The following OSBPL1A variants were observed in gnomAD, a reference collection of about 807,000 sequenced individuals.
OSBPL1A encodes oxysterol-binding protein-related protein 1.
Under a neutral mutation model 137.1 loss-of-function variants are expected in OSBPL1A, and 80 were observed. The ratio of observed to expected loss-of-function variants is 0.58; its 90% CI spans 0.49 to 0.70. The LOEUF (loss-of-function observed/expected upper bound fraction) is 0.70, where lower values mean the gene tolerates loss of function less well. Among genes scored for constraint, OSBPL1A ranks in the 30% least tolerant of loss-of-function variants. The pLI, the probability that OSBPL1A is intolerant of heterozygous loss-of-function variation, is 0.00. For synonymous variants in OSBPL1A, 365 were observed against 389.7 expected, an observed-to-expected ratio of 0.94 and a Z score of 0.75; for missense variants, 970 against 1,129.4, an observed-to-expected ratio of 0.86 and a Z score of 2.02.
intron 18 of OSBPL1A, among the ~76,000 whole-genome samples, chr18:24,194,474 C>T (rs959426803): frequency 1.3e-5 from 2 of 152,022 alleles, no homozygotes; most frequent in African/African-American, 2.4e-5. Flanking sequence ...TTGAAAAATA[C>T]TGACTCTGCA....
chr18:24,376,812 C>T (rs570877553), intron 2 of OSBPL1A, among the ~76,000 whole-genome samples: 59 of 152,352 alleles, frequency 3.9e-4, no homozygotes, highest in South Asian at 2.7e-3. Context: ...CCTCCGCAGC[C>T]GCTGGCCCGG....
At chr18:24,281,927 T>G (rs951168828) in intron 14 of OSBPL1A, among the ~76,000 whole-genome samples, 29 of 152,012 alleles carry the variant, frequency 1.9e-4, no homozygotes, top group Non-Finnish European at 5.9e-5. Context: ...TTGTGTCAGA[T>G]CAGTGGCAGC....
At chr18:24,301,574 G>T (rs1263260526) in intron 14 of OSBPL1A, among the ~76,000 whole-genome samples, 5 of 152,202 alleles carry the variant, frequency 3.3e-5, no homozygotes, top group Non-Finnish European at 7.3e-5. Flanking sequence ...GCATAACTCT[G>T]TGAATAGAGT....
chr18:24,231,817 T>A (rs1289289282), intron 16 of OSBPL1A, among the ~76,000 whole-genome samples: 3 of 152,210 alleles, frequency 2.0e-5, no homozygotes, highest in African/African-American at 7.2e-5. Context: ...TTCCTACTAT[T>A]AAAAGGCTGA....
intron 7 of OSBPL1A, among the ~76,000 whole-genome samples, chr18:24,327,150 C>T (rs1412534964): frequency 6.6e-6 from 1 of 150,672 alleles, no homozygotes; most frequent in Non-Finnish European, 1.5e-5. Context: ...CTCTGTCACC[C>T]ATGCTGTAGT....
chr18:24,219,419 C>T (rs2087815367), intron 17 of OSBPL1A, among the ~76,000 whole-genome samples: 1 of 152,154 alleles, frequency 6.6e-6, no homozygotes, highest in African/African-American at 2.4e-5. Context: ...TACTTGTAGG[C>T]ATGCTTGAAA....
At chr18:24,270,931 C>A (rs1286934175) in intron 15 of OSBPL1A, among the ~76,000 whole-genome samples, 1 of 152,166 alleles carries the variant, frequency 6.6e-6, no homozygotes, top group Non-Finnish European at 1.5e-5. Flanking sequence ...ATCTTCCTCT[C>A]CTTACCACCC....
In OSBPL1A at chr18:24,271,410, C is replaced by T; in HGVS notation, c.1281+9432G>A. The T allele has an allele frequency of 3.3e-6, 1 of 303,446 alleles. No individual in the cohort carries two copies. The highest frequency in any genetic ancestry group is 4.8e-6 in the Non-Finnish European group (1 of 206,278). The allele number at this position is 303,446 out of a possible 1,614,324, so 18.8% of individuals were successfully genotyped here. On this transcript the variant is annotated intron_variant, in intron 15 of 27. Transcript: ENST00000319481. The surrounding 1 kb of genome is among the most constrained non-coding windows in gnomAD (Gnocchi z 4.0). Reference sequence around the variant, plus strand: ...GCAGGAACCCCACGGCAGGGAGACCCGCACTGGGAAGAGAGCAGGGTCTCC... The same window carrying T: ...GCAGGAACCCCACGGCAGGGAGACCTGCACTGGGAAGAGAGCAGGGTCTCC...
Position 24,179,844 on chromosome 18 carries a change from C to G in OSBPL1A, c.1813-9G>C. 6.2e-7 allele frequency: 1 copy of G among 1,612,234 alleles called. No individual in the cohort carries two copies. Among genetic ancestry groups the G allele is most frequent in the South Asian group, 1.1e-5 (1 of 91,028 alleles). On this transcript the variant is annotated splice_polypyrimidine_tract_variant and intron_variant, in intron 19 of 27. Transcript: ENST00000319481. ...GCAAACGCAGCTACACACTGTGGGA[C>G]AGAGCATGAGAACAAGTCAAAAATA...
intron 17 of OSBPL1A, among the ~76,000 whole-genome samples, chr18:24,220,828 T>A (rs1424256795): frequency 6.6e-6 from 1 of 152,084 alleles, no homozygotes; most frequent in African/African-American, 2.4e-5. Context: ...GGTTTTTTTT[T>A]TTGAGACAGA....
At chr18:24,337,668 T>G (rs1324004117) in intron 5 of OSBPL1A, among the ~76,000 whole-genome samples, 1 of 151,296 alleles carries the variant, frequency 6.6e-6, no homozygotes, top group Non-Finnish European at 1.5e-5. Context: ...AAATGCAATG[T>G]GGGATTCTGG....
rs944888810 is a variant in OSBPL1A, at chr18:24,304,666, C to T, written c.1093-948G>A. ...TAATCTCAGCTAGCCCATCACAAAA[C>T]ATTTTGCACCCCCAAAATCAAACTT... On this transcript the variant is annotated intron_variant, in intron 13 of 27. Transcript: ENST00000319481. 1.1e-4 allele frequency among the ~76,000 whole-genome samples: 17 copies of T among 152,138 alleles called. 1 individual carries two copies. The highest frequency in any genetic ancestry group is 1.0e-3 in the Admixed American group (16 of 15,272).
At chr18:24,282,284 T>C (rs897308081) in intron 14 of OSBPL1A, among the ~76,000 whole-genome samples, 1 of 152,226 alleles carries the variant, frequency 6.6e-6, no homozygotes, top group African/African-American at 2.4e-5. Flanking sequence ...ATTTCCTTTG[T>C]AGATAAGTAA....
In OSBPL1A at chr18:24,312,027, T is replaced by A. The variant is rs756283939; in HGVS notation, c.1049A>T (p.Glu350Val). 1 of 1,614,002 alleles carries A rather than the reference T, an allele frequency of 6.2e-7. No individual in the cohort carries two copies. The highest frequency in any genetic ancestry group is 1.3e-5 in the African/African-American group (1 of 74,946). ...CSQDQLTDEE[E>V]EDTVSAADLK... ...GTCTGCAGCAGAAACCGTATCTTCC[T>A]CCTCCTCATCAGTCAGCTGGTCCTG... The change falls in exon 13 of 28, where the codon GAG (glutamate) becomes GTG (valine). Residue 350 changes from glutamate (E) to valine (V), a missense_variant. Coordinates refer to ENST00000319481, the MANE Select transcript of OSBPL1A (RefSeq NM_080597.4).
chr18:24,337,861 A>G (rs2091202309), intron 5 of OSBPL1A, among the ~76,000 whole-genome samples: 1 of 151,968 alleles, frequency 6.6e-6, no homozygotes, highest in East Asian at 1.9e-4. Flanking sequence ...CTTAAGAGAT[A>G]CTGAAGTACT....
intron 6 of OSBPL1A, 127 bp downstream of exon 6, chr18:24,334,118 A>T (rs530864820): frequency 1.5e-6 from 1 of 648,302 alleles, no homozygotes; most frequent in African/African-American, 1.9e-5. Flanking sequence ...TGGTTCTACT[A>T]TTATGATCTC....
chr18:24,214,631 T>G (rs905291276), intron 17 of OSBPL1A, among the ~76,000 whole-genome samples: 1 of 152,204 alleles, frequency 6.6e-6, no homozygotes, highest in Non-Finnish European at 1.5e-5. Context: ...GAATGTAGGT[T>G]TGAACTCTTG....
Position 24,225,126 on chromosome 18 carries a change from T to C in OSBPL1A, c.1517A>G (p.His506Arg). 1.2e-6 allele frequency: 2 copies of C among 1,614,176 alleles called. No homozygotes were observed. Among genetic ancestry groups the C allele is most frequent in the Non-Finnish European group, 1.7e-6 (2 of 1,180,018 alleles). ...TARSFEEEGEHLGSRKHRMSE... is the reference protein window; with the variant it reads ...TARSFEEEGERLGSRKHRMSE... ...CATTCTGTGTTTTCTACTGCCCAAA[T>C]GCTCTCCTTCCTCTTCAAAGGAGCG... Residue 506 changes from histidine (H) to arginine (R), a missense_variant, in exon 17 of 28, where the codon CAT becomes CGT. Physicochemically the swap from His to Arg is conservative, Grantham distance 29 (BLOSUM62 0). This residue lies in a region of OSBPL1A where 647 missense variants were observed against 672.6 expected (regional missense o/e 0.96). Coordinates refer to ENST00000319481, the MANE Select transcript of OSBPL1A (RefSeq NM_080597.4).
chr18:24,310,623 G>GA (rs1182540410), intron 13 of OSBPL1A, among the ~76,000 whole-genome samples: 30 of 128,856 alleles, frequency 2.3e-4, no homozygotes, highest in Non-Finnish European at 2.4e-4. Flanking sequence ...AAAAAGAAAA[G>GA]AAAAAAAAAA....
Sources: gnomAD v4.1 joint callset for allele counts (sites outside exome capture counted in the v4.1 genomes callset) on GRCh38, gnomAD v4.1.1 for gene constraint, gnomAD v4.1.1 regional missense constraint, Gnocchi (gnomAD v3.1) non-coding constraint, MANE v1.5 for transcripts, NCBI Gene and HGNC (gene_info 2026-07-23, HGNC 2026-07-21) for gene names.